Variants in CNTN1 observed in about 807,000 individuals in gnomAD.
CNTN1 encodes the protein contactin 1.
Under a neutral mutation model 126.4 loss-of-function variants are expected in CNTN1, and 38 were observed. That is an observed-to-expected ratio of 0.30 (90% CI 0.23 to 0.39). CNTN1 has a LOEUF of 0.39. Ranked by LOEUF, CNTN1 falls within the 10% of genes least tolerant of loss-of-function variation. CNTN1 has a pLI of 1.00. For synonymous variants in CNTN1, 413 were observed against 422.6 expected (o/e 0.98, Z 0.28); for missense variants, 1,009 against 1,248.4 (o/e 0.81, Z 2.89).
intron 1 of CNTN1, among the ~76,000 whole-genome samples, chr12:40,732,015 G>A (rs1942512116): frequency 6.6e-6 from 1 of 151,968 alleles, no homozygotes. Flanking sequence ...TCTTGGTGCA[G>A]AAGGAAATCT....
intron 17 of CNTN1, among the ~76,000 whole-genome samples, chr12:40,993,471 CAAA>C (rs1219507196): frequency 1.3e-5 from 2 of 151,566 alleles, no homozygotes; most frequent in African/African-American, 4.9e-5. Context: ...AGTCAAAAAT[CAAA>C]AGAGGAAATA....
At chr12:40,798,916 C>T (rs1339173838) in intron 1 of CNTN1, among the ~76,000 whole-genome samples, 1 of 151,942 alleles carries the variant, frequency 6.6e-6, no homozygotes, top group Non-Finnish European at 1.5e-5. Flanking sequence ...GTCCACATTA[C>T]ATCCATGCTA....
intron 16 of CNTN1, among the ~76,000 whole-genome samples, chr12:40,984,843 T>C (rs1947912838): frequency 6.6e-6 from 1 of 152,162 alleles, no homozygotes; most frequent in East Asian, 1.9e-4. Context: ...TACATGCATA[T>C]ATAAATGCAC....
intron 17 of CNTN1, 105 bp from the exon 18 acceptor site, chr12:41,014,123 A>T: frequency 9.9e-7 from 1 of 1,010,034 alleles, no homozygotes; most frequent in Non-Finnish European, 1.5e-6. Context: ...CTAGTAAAAG[A>T]AAAACATTTG....
intron 17 of CNTN1, among the ~76,000 whole-genome samples, chr12:41,010,863 TTG>T (rs1157014633): frequency 6.9e-6 from 1 of 145,600 alleles, no homozygotes; most frequent in Non-Finnish European, 1.5e-5. Flanking sequence ...CAACTAGGGT[TTG>T]TTTTTTTTTT....
chr12:40,835,128 A>G (rs1942000696), intron 1 of CNTN1, among the ~76,000 whole-genome samples: 1 of 152,220 alleles, frequency 6.6e-6, no homozygotes, highest in South Asian at 2.1e-4. Context: ...GTTTTTGTCT[A>G]TTAAAAATGA....
chr12:40,984,492 G>A (rs909089660), intron 16 of CNTN1, among the ~76,000 whole-genome samples: 1 of 152,190 alleles, frequency 6.6e-6, no homozygotes, highest in Non-Finnish European at 1.5e-5. Flanking sequence ...CACATGGTGA[G>A]AGAGGGAGCA....
intron 1 of CNTN1, among the ~76,000 whole-genome samples, chr12:40,726,464 G>T (rs1353734417): frequency 6.6e-6 from 1 of 152,116 alleles, no homozygotes; most frequent in Non-Finnish European, 1.5e-5. Flanking sequence ...TCACAGGGTG[G>T]CAGGATGGAC....
chr12:41,014,425 A>ATT, intron 18 of CNTN1, 127 bp downstream of exon 18: 3 of 936,086 alleles, frequency 3.2e-6, no homozygotes, highest in Non-Finnish European at 5.0e-6. Flanking sequence ...ATATATTACT[A>ATT]TTTTTTTTTC....
intron 21 of CNTN1, among the ~76,000 whole-genome samples, chr12:41,027,299 G>A (rs1949056472): frequency 6.6e-6 from 1 of 151,946 alleles, no homozygotes; most frequent in Admixed American, 6.6e-5. Flanking sequence ...CAGTACTTAG[G>A]GAAGATCCAC....
Position 40,692,540 on chromosome 12 carries a change from T to G in CNTN1, c.-129T>G, listed in dbSNP as rs1941326207. The G allele has an allele frequency of 6.6e-6, 1 of 152,388 alleles. No homozygotes were observed. The highest frequency in any genetic ancestry group is 1.5e-5 in the Non-Finnish European group (1 of 68,224). 9.4% of individuals were successfully genotyped at this position (152,388 alleles called of 1,614,324 possible). ...GTGTTTGCAGCGGAAGTGGGAAACC[T>G]GTAGGGTATGGTCCAGCTGTGCCGC... On this transcript the variant is annotated 5_prime_UTR_variant, in exon 1 of 24. Transcript: ENST00000551295.
At position 40,945,219 on chromosome 12, in the gene CNTN1, T is replaced by G. The variant is rs377566997; in HGVS notation, c.1683+1049T>G. 3.3e-5 allele frequency among the ~76,000 whole-genome samples: 5 copies of G among 152,200 alleles called. No homozygotes were observed. In the East Asian group the frequency reaches 5.8e-4, roughly 18 times the overall value. ...TTGGCAGAGAACTGTAAATTTTGTA[T>G]TTTGACATTATATACCATGTAATAT... On this transcript the variant is annotated intron_variant, in intron 14 of 23. Coordinates refer to ENST00000551295, the MANE Select transcript of CNTN1 (RefSeq NM_001843.4).
At chr12:40,934,090 G>A (rs186424017) in intron 9 of CNTN1, among the ~76,000 whole-genome samples, 13 of 152,134 alleles carry the variant, frequency 8.5e-5, no homozygotes, top group East Asian at 3.9e-4. Context: ...TGAACCATAG[G>A]TAATAGCAAT....
At chr12:40,901,460 T>G (rs1336537187) in intron 1 of CNTN1, among the ~76,000 whole-genome samples, 1 of 152,206 alleles carries the variant, frequency 6.6e-6, no homozygotes, top group Non-Finnish European at 1.5e-5. Flanking sequence ...CTCAAGCATC[T>G]GATTTTAATC....
At chr12:40,783,665 C>A (rs909570965) in intron 1 of CNTN1, among the ~76,000 whole-genome samples, 2 of 152,058 alleles carry the variant, frequency 1.3e-5, no homozygotes, top group African/African-American at 2.4e-5. Flanking sequence ...TTTAAAACAA[C>A]TTGTATTTTA....
intron 1 of CNTN1, among the ~76,000 whole-genome samples, chr12:40,874,798 A>T (rs1943615308): frequency 6.6e-6 from 1 of 152,206 alleles, no homozygotes; most frequent in Non-Finnish European, 1.5e-5. Flanking sequence ...ATAATAAATG[A>T]TGATAAAAAT....
intron 1 of CNTN1, among the ~76,000 whole-genome samples, chr12:40,743,806 T>G (rs952113783): frequency 9.2e-5 from 14 of 152,116 alleles, no homozygotes; most frequent in African/African-American, 3.4e-4. Context: ...TCCCATTTAT[T>G]AATTTTTGCT....
At chr12:40,975,192 A>T (rs796977696) in intron 15 of CNTN1, among the ~76,000 whole-genome samples, 3 of 17,214 alleles carry the variant, frequency 1.7e-4, no homozygotes, top group Admixed American at 7.2e-4. Flanking sequence ...ATATATATAT[A>T]TATATATATA....
chr12:40,726,325 G>T (rs2121241143), intron 1 of CNTN1, among the ~76,000 whole-genome samples: 2 of 152,284 alleles, frequency 1.3e-5, no homozygotes, highest in South Asian at 4.1e-4. Flanking sequence ...ACACTACTAT[G>T]AAGAAGTACC....
Sources: allele counts gnomAD v4.1 joint callset (sites outside exome capture counted in the v4.1 genomes callset), GRCh38; gene constraint gnomAD v4.1.1; transcripts MANE v1.5; gene names NCBI Gene and HGNC (gene_info 2026-07-23, HGNC 2026-07-21).